Variants in GBE1 observed in about 807,000 individuals in gnomAD.
GBE1 encodes the protein 1,4-alpha-glucan branching enzyme 1, also known as 1,4-alpha-glucan-branching enzyme.
Under a neutral mutation model 88.8 loss-of-function variants are expected in GBE1, and 70 were observed. The ratio of observed to expected loss-of-function variants is 0.79; its 90% CI spans 0.65 to 0.96. The LOEUF is 0.96. GBE1 is among the 40% of genes least tolerant of loss of function. The pLI is 0.00. For synonymous variants in GBE1, 284 were observed against 300.1 expected, an observed-to-expected ratio of 0.95 and a Z score of 0.56; for missense variants, 872 against 871.0, an observed-to-expected ratio of 1.00 and a Z score of -0.01.
At chr3:81,653,972 G>T (rs946992910) in intron 3 of GBE1, among the ~76,000 whole-genome samples, 2 of 152,076 alleles carry the variant, frequency 1.3e-5, no homozygotes, top group African/African-American at 4.8e-5. Context: ...TGCAGAGTGT[G>T]CTACTTAAGG....
chr3:81,529,669 G>A (rs1434068128), intron 14 of GBE1, among the ~76,000 whole-genome samples: 7 of 152,062 alleles, frequency 4.6e-5, no homozygotes, highest in African/African-American at 1.7e-4. Flanking sequence ...CCACTGATAA[G>A]TATGCGGCTA....
intron 7 of GBE1, among the ~76,000 whole-genome samples, chr3:81,605,130 G>A (rs1459075962): frequency 3.3e-5 from 5 of 151,960 alleles, no homozygotes; most frequent in Admixed American, 2.6e-4. Flanking sequence ...TAAATCTCTG[G>A]TGATGACAAC....
At chr3:81,662,876 C>A (rs1262150797) in intron 3 of GBE1, among the ~76,000 whole-genome samples, 1 of 152,118 alleles carries the variant, frequency 6.6e-6, no homozygotes, top group East Asian at 1.9e-4. Context: ...CCCTCTCTTG[C>A]AGCTAGATTT....
chr3:81,711,504 T>C (rs1356956026), intron 1 of GBE1, among the ~76,000 whole-genome samples: 3 of 152,152 alleles, frequency 2.0e-5, no homozygotes, highest in African/African-American at 7.2e-5. Context: ...GATCAGATGG[T>C]TGTAGATGTG....
chr3:81,651,036 T>A (rs1207250200), intron 3 of GBE1, among the ~76,000 whole-genome samples: 1 of 152,190 alleles, frequency 6.6e-6, no homozygotes, highest in Non-Finnish European at 1.5e-5. Flanking sequence ...GGAGGTAGAA[T>A]ACAATTTTAA....
intron 1 of GBE1, among the ~76,000 whole-genome samples, chr3:81,736,155 C>T (rs985933523): frequency 5.3e-5 from 8 of 152,194 alleles, no homozygotes; most frequent in African/African-American, 1.9e-4. Context: ...GCTCCCCTCA[C>T]CAAGACATTT....
rs916503709 is a variant in GBE1, at chr3:81,761,627, G to A, written c.-110C>T. 1.5e-6 allele frequency: 2 copies of A among 1,362,458 alleles called. No individual in the cohort carries two copies. The highest frequency in any genetic ancestry group is 1.5e-5 in the African/African-American group (1 of 67,376). The allele number at this position is 1,362,458 out of a possible 1,614,324, so 84.4% of individuals were successfully genotyped here. On this transcript the variant is annotated 5_prime_UTR_variant, in exon 1 of 16. Coordinates refer to ENST00000429644, the MANE Select transcript of GBE1 (RefSeq NM_000158.4). ...CTAGGGCGGAGCCGGAGGGCGCCTA[G>A]GCGTGTCGAGGCAAGCCGAGGCGAG... is the stretch of plus-strand genomic sequence containing the variant.
chr3:81,613,449 C>T (rs377157434), intron 7 of GBE1, among the ~76,000 whole-genome samples: 40 of 152,058 alleles, frequency 2.6e-4, no homozygotes, highest in African/African-American at 8.9e-4. Context: ...CCTCCTTTCT[C>T]TGTATATTGG....
chr3:81,592,773 G>T (rs1576161918), intron 8 of GBE1, among the ~76,000 whole-genome samples: 1 of 151,972 alleles, frequency 6.6e-6, no homozygotes, highest in South Asian at 2.1e-4. Context: ...GGGCACGTAG[G>T]TGTTTAAATC....
At chr3:81,504,164 A>T (rs535946212) in intron 14 of GBE1, among the ~76,000 whole-genome samples, 2 of 152,312 alleles carry the variant, frequency 1.3e-5, no homozygotes, top group South Asian at 4.1e-4. Flanking sequence ...CAACACTGGG[A>T]ATCACATTTC....
At chr3:81,753,638 C>T (rs1261943661) in intron 1 of GBE1, among the ~76,000 whole-genome samples, 2 of 152,072 alleles carry the variant, frequency 1.3e-5, no homozygotes, top group Non-Finnish European at 2.9e-5. Flanking sequence ...CTAAACTAAA[C>T]CAAGATGCTC....
rs1250842116 is a variant in GBE1, at chr3:81,499,161, A to G, written c.2001T>C (p.Thr667=). ...GTTCAAAAGCCTCAGAAAAAAAGTC[A>G]GTGCTGTGGTCCAGTCTCTGATGCC... is the stretch of plus-strand genomic sequence containing the variant. ...YGGHQRLDHS[T]DFFSEAFEHN... The change falls in exon 15 of 16, where the codon ACT becomes ACC. Residue 667 remains threonine, a synonymous_variant. Transcript: ENST00000429644. 6.2e-7 allele frequency: 1 copy of G among 1,612,098 alleles called. No homozygotes were observed. The highest frequency in any genetic ancestry group is 1.1e-5 in the South Asian group (1 of 90,682).
chr3:81,750,589 GTATATATA>G (rs1225112913), intron 1 of GBE1, among the ~76,000 whole-genome samples: 3 of 30,794 alleles, frequency 9.7e-5, no homozygotes, highest in African/African-American at 6.0e-4. Flanking sequence ...ATATATATAC[GTATATATA>G]TATGTGTATA....
intron 1 of GBE1, among the ~76,000 whole-genome samples, chr3:81,750,674 CGT>C (rs1706514384): frequency 1.8e-5 from 1 of 54,440 alleles, no homozygotes; most frequent in Non-Finnish European, 2.9e-5. Flanking sequence ...TATATATATA[CGT>C]ATATATATAT....
intron 12 of GBE1, among the ~76,000 whole-genome samples, chr3:81,561,633 T>C (rs1019180535): frequency 6.6e-6 from 1 of 152,024 alleles, no homozygotes; most frequent in African/African-American, 2.4e-5. Flanking sequence ...CAAAAGGTCA[T>C]TTCTATATTT....
At position 81,581,209 on chromosome 3, in the gene GBE1, G is replaced by T. The variant is rs776526697; in HGVS notation, c.1402C>A (p.Arg468Ser). Residue 468 changes from arginine to serine, a missense_variant, in exon 11 of 16, where the codon CGC becomes AGC. Arg to Ser is a moderately radical substitution (Grantham distance 110). Transcript: ENST00000429644. ...TAAGCAATGCACTTTTCAAGGTAGC[G>T]CCTGTTTGTGAGCGTGTATACTATA... ...GDIVYTLTNRRYLEKCIAYAE... is the reference protein window; with the variant it reads ...GDIVYTLTNRSYLEKCIAYAE... 6.2e-7 allele frequency: 1 copy of T among 1,605,880 alleles called. No homozygotes were observed. Among genetic ancestry groups the T allele is most frequent in the Admixed American group, 1.7e-5 (1 of 58,702 alleles).
intron 7 of GBE1, among the ~76,000 whole-genome samples, chr3:81,616,977 A>G (rs1162519392): frequency 2.0e-5 from 3 of 152,056 alleles, no homozygotes; most frequent in African/African-American, 4.8e-5. Flanking sequence ...GAAGGGAAAG[A>G]GAGAAGGAGG....
intron 12 of GBE1, among the ~76,000 whole-genome samples, chr3:81,573,372 A>G (rs1414938671): frequency 6.6e-6 from 1 of 152,122 alleles, no homozygotes; most frequent in Non-Finnish European, 1.5e-5. Flanking sequence ...GTGGCTTCCT[A>G]TTCCAAGCTG....
At chr3:81,628,742 CATATATATATATATATATATATAT>C (rs71108330) in intron 7 of GBE1, among the ~76,000 whole-genome samples, 4 of 65,418 alleles carry the variant, frequency 6.1e-5, no homozygotes, top group African/African-American at 1.9e-4. Context: ...AGAACAATTG[CATATATATATATATATATATATAT>C]ATATATATAT....
Sources: gnomAD v4.1 joint callset for allele counts (sites outside exome capture counted in the v4.1 genomes callset) on GRCh38, gnomAD v4.1.1 for gene constraint, MANE v1.5 for transcripts, NCBI Gene and HGNC (gene_info 2026-07-23, HGNC 2026-07-21) for gene names.